KIF16B: variants seen among roughly 807,000 people sequenced by gnomAD.
KIF16B encodes the protein kinesin-like protein KIF16B.
KIF16B carries 98 observed loss-of-function variants against 156.3 expected under a neutral mutation model. That is an observed-to-expected ratio of 0.63 (90% CI 0.53 to 0.74). The LOEUF is 0.74. Among genes scored for constraint, KIF16B ranks in the 30% least tolerant of loss-of-function variants. The pLI, the probability that KIF16B is intolerant of heterozygous loss-of-function variation, is 0.00. For missense variants in KIF16B, 1,421 were observed against 1,606.5 expected (o/e 0.88, Z 1.97); for synonymous variants, 564 against 583.7 (o/e 0.97, Z 0.49).
chr20:16,573,360 TC>T lies in KIF16B; in HGVS notation c.-86del. The T allele has an allele frequency of 7.0e-7, 1 of 1,432,074 alleles. No homozygotes were observed. The highest frequency in any genetic ancestry group is 9.6e-7 in the Non-Finnish European group (1 of 1,037,508). 88.7% of individuals were successfully genotyped at this position (1,432,074 alleles called of 1,614,324 possible). On this transcript the variant is annotated 5_prime_UTR_variant, in exon 1 of 26. The change abolishes the stop of an existing upstream ORF in the 5' untranslated region. Transcript: ENST00000354981. ...CGACGCTGGCTACTCAGATCGCGGC[TC>T]CCGCCCACTTCCCTCTCGCCCCCGC...
intron 25 of KIF16B, among the ~76,000 whole-genome samples, chr20:16,277,174 G>A (rs942308985): frequency 8.5e-5 from 13 of 152,136 alleles, no homozygotes; most frequent in African/African-American, 2.7e-4. Flanking sequence ...TGTGAGATGC[G>A]GCCATGCTGT....
intron 23 of KIF16B, among the ~76,000 whole-genome samples, chr20:16,342,154 T>A (rs1209746388): frequency 3.3e-5 from 5 of 152,226 alleles, no homozygotes; most frequent in Non-Finnish European, 4.4e-5. Flanking sequence ...TAGCATTTGG[T>A]TCACACCATG....
chr20:16,340,486 C>G (rs1312509958), intron 23 of KIF16B, among the ~76,000 whole-genome samples: 1 of 152,184 alleles, frequency 6.6e-6, no homozygotes, highest in Non-Finnish European at 1.5e-5. Context: ...CACCTTAGAA[C>G]AGAACTTGAC....
intron 16 of KIF16B, among the ~76,000 whole-genome samples, chr20:16,405,933 C>T (rs1027037203): frequency 2.0e-5 from 3 of 152,086 alleles, no homozygotes. Flanking sequence ...CCAACCAAAC[C>T]AAAGTCTTTC....
At chr20:16,516,595 C>T (rs1379413240) in intron 3 of KIF16B, among the ~76,000 whole-genome samples, 2 of 152,166 alleles carry the variant, frequency 1.3e-5, no homozygotes, top group East Asian at 1.9e-4. Flanking sequence ...ATGAAGGGCT[C>T]CTCTGTGGTG....
chr20:16,369,945 A>G lies in KIF16B; in HGVS notation c.3498+641T>C, dbSNP rs200550702. On this transcript the variant is annotated intron_variant, in intron 22 of 25. Transcript: ENST00000354981. The stretch of plus-strand genomic sequence containing the variant: ...ATCACATCATTACTGGATGACTGGC[A>G]GGAGGGTGTGGCTGCGGCCAAAGTC... Among the ~76,000 whole-genome samples, 9 of 152,340 alleles carry G rather than the reference A, an allele frequency of 5.9e-5. 1 individual carries two copies. The East Asian group carries it at 1.7e-3, about 29-fold the overall frequency.
chr20:16,571,603 T>A (rs1381532436), intron 1 of KIF16B, among the ~76,000 whole-genome samples: 2 of 152,092 alleles, frequency 1.3e-5, no homozygotes, highest in African/African-American at 4.8e-5. Flanking sequence ...TGAGGAATGC[T>A]ATGTGTTTGG....
intron 12 of KIF16B, among the ~76,000 whole-genome samples, chr20:16,476,940 G>C (rs1323920298): frequency 6.6e-6 from 1 of 151,810 alleles, no homozygotes; most frequent in African/African-American, 2.4e-5. Flanking sequence ...GTAGAGATGG[G>C]GTTTCACCAT....
At chr20:16,368,141 G>A in intron 22 of KIF16B, 1 of 1,153,136 alleles carries the variant, frequency 8.7e-7, no homozygotes, top group Non-Finnish European at 1.1e-6. Flanking sequence ...TGCCTAAGAA[G>A]GTCTTTTAAA....
At chr20:16,528,582 T>C in intron 1 of KIF16B, 142 bp from the exon 2 acceptor site, 1 of 625,970 alleles carries the variant, frequency 1.6e-6, no homozygotes, top group African/African-American at 1.8e-5. Flanking sequence ...CAGACACGGC[T>C]CCTCCCAAAT....
intron 17 of KIF16B, among the ~76,000 whole-genome samples, chr20:16,403,547 G>A (rs1205978416): frequency 6.6e-6 from 1 of 152,212 alleles, no homozygotes; most frequent in Non-Finnish European, 1.5e-5. Context: ...GACAAAGGCT[G>A]ACACAAGGGA....
intron 7 of KIF16B, among the ~76,000 whole-genome samples, chr20:16,506,612 G>A (rs1324311628): frequency 1.3e-5 from 2 of 152,054 alleles, no homozygotes; most frequent in South Asian, 4.2e-4. Context: ...AACCATTATC[G>A]GATGTTAAAA....
intron 17 of KIF16B, among the ~76,000 whole-genome samples, chr20:16,395,308 A>G (rs1468221671): frequency 3.9e-3 from 14 of 3,576 alleles, no homozygotes; most frequent in Admixed American, 5.4e-3. Flanking sequence ...GGAGGGGAGG[A>G]GAGGGGAGGC....
At chr20:16,321,274 C>T (rs1412106050) in intron 24 of KIF16B, among the ~76,000 whole-genome samples, 1 of 151,822 alleles carries the variant, frequency 6.6e-6, no homozygotes, top group Non-Finnish European at 1.5e-5. Context: ...TATAAATGAA[C>T]ATGCATCATT....
intron 17 of KIF16B, among the ~76,000 whole-genome samples, chr20:16,386,841 A>C (rs576825122): frequency 6.6e-6 from 1 of 152,136 alleles, no homozygotes; most frequent in South Asian, 2.1e-4. Flanking sequence ...CCTCATCTGA[A>C]CACAGGCTCA....
intron 10 of KIF16B, among the ~76,000 whole-genome samples, chr20:16,500,184 G>A (rs2057124): frequency 0.11 from 16,321 of 152,100 alleles, 1,087 homozygotes; most frequent in East Asian, 0.33. Context: ...ATGTACCCAC[G>A]AACATGTATA....
chr20:16,480,810 T>C (rs539554748), intron 12 of KIF16B, among the ~76,000 whole-genome samples: 16 of 151,412 alleles, frequency 1.1e-4, no homozygotes, highest in Non-Finnish European at 2.4e-4. Context: ...ATTCAAATAG[T>C]TTTTTTTTAA....
rs534135943 is a variant in KIF16B at position 16,516,845 on chromosome 20, G to A, written c.232-1181C>T. Among the ~76,000 whole-genome samples the A allele has an allele frequency of 3.3e-5, 5 of 152,322 alleles. No individual in the cohort carries two copies. The South Asian group carries it at 1.0e-3, about 32-fold the overall frequency. ...CAGTGAAATATGAATCTAAGGGGGT[G>A]TGAACCTAGGAATCCATATTCTTCT... is the stretch of plus-strand genomic sequence containing the variant. On this transcript the variant is annotated intron_variant, in intron 3 of 25. Transcript: ENST00000354981.
chr20:16,353,441 C>T (rs1360024378), intron 23 of KIF16B, among the ~76,000 whole-genome samples: 1 of 152,214 alleles, frequency 6.6e-6, no homozygotes, highest in African/African-American at 2.4e-5. Flanking sequence ...GGGGACCTCA[C>T]AGTAAACTCT....
Sources: gnomAD v4.1 joint callset for allele counts (sites outside exome capture counted in the v4.1 genomes callset) on GRCh38, gnomAD v4.1.1 for gene constraint, MANE v1.5 for transcripts, NCBI Gene and HGNC (gene_info 2026-07-23, HGNC 2026-07-21) for gene names.